Variants in PARD3B observed in about 807,000 individuals in gnomAD.
PARD3B encodes the protein par-3 family cell polarity regulator beta, also known as partitioning defective 3 homolog B.
Under a neutral mutation model 130.2 loss-of-function variants are expected in PARD3B, and 103 were observed. The ratio of observed to expected loss-of-function variants is 0.79; its 90% CI spans 0.67 to 0.93. The LOEUF is 0.93. Among genes scored for constraint, PARD3B ranks in the 40% least tolerant of loss-of-function variants. The pLI is 0.00. For synonymous variants in PARD3B, 583 were observed against 553.2 expected, an observed-to-expected ratio of 1.05 and a Z score of -0.76; for missense variants, 1,609 against 1,499.2, an observed-to-expected ratio of 1.07 and a Z score of -1.21.
intron 4 of PARD3B, among the ~76,000 whole-genome samples, chr2:205,049,055 GC>G (rs1037650550): frequency 2.6e-5 from 4 of 152,162 alleles, no homozygotes; most frequent in African/African-American, 4.8e-5. Context: ...ACATAAAAGA[GC>G]AGAACTACAA....
At chr2:204,828,186 T>A (rs776304729) in intron 2 of PARD3B, among the ~76,000 whole-genome samples, 3 of 152,224 alleles carry the variant, frequency 2.0e-5, no homozygotes, top group Non-Finnish European at 2.9e-5. Context: ...AGTTAACCTC[T>A]AAGCAGCAAT....
chr2:205,178,221 T>C (rs1258078544), intron 13 of PARD3B, among the ~76,000 whole-genome samples: 1 of 128,394 alleles, frequency 7.8e-6, no homozygotes, highest in East Asian at 2.2e-4. Flanking sequence ...CCAGCTACTA[T>C]GGGGGGGGAA....
intron 2 of PARD3B, among the ~76,000 whole-genome samples, chr2:204,858,345 G>A (rs1458864079): frequency 1.3e-5 from 2 of 152,110 alleles, no homozygotes; most frequent in South Asian, 4.1e-4. Context: ...AGAAACTGTG[G>A]TGTGTATACA....
intron 15 of PARD3B, among the ~76,000 whole-genome samples, chr2:205,198,382 C>A (rs990402108): frequency 6.6e-6 from 1 of 152,176 alleles, no homozygotes; most frequent in African/African-American, 2.4e-5. Context: ...TTCCATGTCT[C>A]ATAGTCTTTT....
At chr2:205,439,410 G>A (rs2047634241) in intron 19 of PARD3B, among the ~76,000 whole-genome samples, 1 of 152,120 alleles carries the variant, frequency 6.6e-6, no homozygotes. Flanking sequence ...TTTCTCATTA[G>A]TGCTGAAGAC....
At chr2:204,650,459 G>A (rs901424964) in intron 1 of PARD3B, among the ~76,000 whole-genome samples, 16 of 152,126 alleles carry the variant, frequency 1.1e-4, no homozygotes, top group African/African-American at 3.9e-4. Flanking sequence ...AATGTTCATT[G>A]CAGCACTATT....
At chr2:205,345,338 C>A (rs1313511441) in intron 18 of PARD3B, among the ~76,000 whole-genome samples, 1 of 152,186 alleles carries the variant, frequency 6.6e-6, no homozygotes, top group Admixed American at 6.5e-5. Flanking sequence ...TGCTCAGATT[C>A]TTCTCTTTGT....
intron 16 of PARD3B, among the ~76,000 whole-genome samples, chr2:205,252,697 C>T (rs554448135): frequency 6.6e-6 from 1 of 152,108 alleles, no homozygotes; most frequent in Admixed American, 6.5e-5. Flanking sequence ...GCCAAGTAGG[C>T]AGAGATTAGA....
At chr2:204,741,707 C>A (rs535186772) in intron 2 of PARD3B, among the ~76,000 whole-genome samples, 1 of 152,082 alleles carries the variant, frequency 6.6e-6, no homozygotes, top group African/African-American at 2.4e-5. Flanking sequence ...AAATTATACC[C>A]GTAATTTGGC....
rs902816688 is a variant in PARD3B, at chr2:205,274,024, C to T, written c.2186-26506C>T. Among the ~76,000 whole-genome samples the T allele has an allele frequency of 6.6e-6, 1 of 152,076 alleles. No individual in the cohort carries two copies. The highest frequency in any genetic ancestry group is 1.5e-5 in the Non-Finnish European group (1 of 68,030). ...TGTAATTACTCTGGTTACTTCATTGCACATTTGAGGATTGGCTCCTGTTTT... is the reference window on the plus strand; with the variant it reads ...TGTAATTACTCTGGTTACTTCATTGTACATTTGAGGATTGGCTCCTGTTTT... On this transcript the variant is annotated intron_variant, in intron 16 of 22. Coordinates refer to ENST00000406610, the MANE Select transcript of PARD3B (RefSeq NM_001302769.2). This position sits in a 1 kb window ranked among gnomAD's most constrained non-coding sequence, Gnocchi z 4.2.
At chr2:205,598,958 G>A (rs575088213) in intron 22 of PARD3B, among the ~76,000 whole-genome samples, 1 of 152,150 alleles carries the variant, frequency 6.6e-6, no homozygotes, top group East Asian at 1.9e-4. Flanking sequence ...TTGAGATAAA[G>A]CTAAAGCAGT....
intron 21 of PARD3B, among the ~76,000 whole-genome samples, chr2:205,551,296 A>G (rs1231092901): frequency 2.0e-5 from 3 of 151,750 alleles, no homozygotes; most frequent in Non-Finnish European, 4.4e-5. Context: ...CAAGAAAGCA[A>G]ACCTTAGGTA....
intron 22 of PARD3B, among the ~76,000 whole-genome samples, chr2:205,580,390 C>T (rs999631977): frequency 6.6e-6 from 1 of 152,102 alleles, no homozygotes; most frequent in Non-Finnish European, 1.5e-5. Flanking sequence ...CGGGCTTCTC[C>T]GGTCTCTTCC....
rs78639311 is a variant in PARD3B at position 204,718,778 on chromosome 2, G to A, written c.222+32496G>A. Among the ~76,000 whole-genome samples the A allele has an allele frequency of 7.9e-5, 12 of 152,274 alleles. No individual in the cohort carries two copies. The East Asian group carries it at 1.7e-3, about 22-fold the overall frequency. ...TATCTCTGTAAGCCAAGCCAAACAA[G>A]CCCTTGGCTGCCTTTGAGATATGTG... On this transcript the variant is annotated intron_variant, in intron 2 of 22. Coordinates refer to ENST00000406610, the MANE Select transcript of PARD3B (RefSeq NM_001302769.2).
intron 4 of PARD3B, among the ~76,000 whole-genome samples, chr2:205,103,187 C>T (rs1379954204): frequency 7.6e-6 from 1 of 132,322 alleles, no homozygotes; most frequent in Non-Finnish European, 1.6e-5. Context: ...GTAAAGTAAA[C>T]ATTTTATATT....
At chr2:204,654,242 G>A (rs1277743961) in intron 1 of PARD3B, among the ~76,000 whole-genome samples, 2 of 151,246 alleles carry the variant, frequency 1.3e-5, no homozygotes, top group Non-Finnish European at 2.9e-5. Flanking sequence ...AAGGCAAGAT[G>A]ATTTATCCAG....
At chr2:205,166,406 A>T (rs1270382150) in intron 11 of PARD3B, among the ~76,000 whole-genome samples, 1 of 152,194 alleles carries the variant, frequency 6.6e-6, no homozygotes, top group African/African-American at 2.4e-5. Flanking sequence ...ATATGGGCAA[A>T]GTCACCAAGG....
rs1333639271 is a variant in PARD3B, at chr2:205,558,159, C to T, written c.3260+4756C>T. ...AGTGCTATGGAGAGGGGGTTTATAA[C>T]AGATACAGCATGCTGACTTGGCTCT... On this transcript the variant is annotated intron_variant, in intron 22 of 22. Transcript: ENST00000406610. The surrounding 1 kb of genome is among the most constrained non-coding windows in gnomAD (Gnocchi z 4.8). Among the ~76,000 whole-genome samples, 3 of 152,190 alleles carry T rather than the reference C, an allele frequency of 2.0e-5. No homozygotes were observed. Among genetic ancestry groups the T allele is most frequent in the South Asian group, 4.1e-4 (2 of 4,828 alleles).
intron 2 of PARD3B, among the ~76,000 whole-genome samples, chr2:204,758,821 C>G (rs930501509): frequency 1.3e-5 from 2 of 152,120 alleles, no homozygotes; most frequent in Non-Finnish European, 2.9e-5. Flanking sequence ...ATGATTTCTT[C>G]CAGTGAGATA....
Sources: allele counts gnomAD v4.1 joint callset (sites outside exome capture counted in the v4.1 genomes callset), GRCh38; gene constraint gnomAD v4.1.1; non-coding constraint Gnocchi (gnomAD v3.1); transcripts MANE v1.5; gene names NCBI Gene and HGNC (gene_info 2026-07-23, HGNC 2026-07-21).